HMGN5: variants seen among roughly 807,000 people sequenced by gnomAD.
HMGN5 encodes high mobility group nucleosome binding domain 5.
HMGN5 carries 4 observed loss-of-function variants against 9.5 expected under a neutral mutation model. The observed-to-expected ratio is 0.42, with a 90% CI of 0.21 to 0.96. The LOEUF (loss-of-function observed/expected upper bound fraction) is 0.96, where lower values mean the gene tolerates loss of function less well. HMGN5 is among the 40% of genes least tolerant of loss of function. The pLI, the probability that HMGN5 is intolerant of heterozygous loss-of-function variation, is 0.30. For missense variants in HMGN5, 192 were observed against 187.5 expected (o/e 1.02, Z -0.14); for synonymous variants, 55 against 57.1 (o/e 0.96, Z 0.16).
chrX:81,129,840 G>A (rs185799963), intron 1 of HMGN5, among the ~76,000 whole-genome samples: 2 of 110,724 alleles, frequency 1.8e-5, no homozygotes, highest in South Asian at 3.8e-4. Context: ...TTCTAAGTGA[G>A]TTATTAGCAA....
At chrX:81,197,111 T>C (rs2147655948) in intron 1 of HMGN5, among the ~76,000 whole-genome samples, 1 of 112,554 alleles carries the variant, frequency 8.9e-6, no homozygotes, top group East Asian at 2.8e-4. Flanking sequence ...AATGTACTTA[T>C]AATCCCACTT....
chrX:81,143,180 T>A (rs2075334221), intron 1 of HMGN5, among the ~76,000 whole-genome samples: 1 of 108,444 alleles, frequency 9.2e-6, no homozygotes, highest in African/African-American at 3.4e-5. Context: ...GAAGAGAAAA[T>A]CACCTTCACT....
At chrX:81,138,062 C>T (rs2075316416) in intron 1 of HMGN5, among the ~76,000 whole-genome samples, 1 of 111,529 alleles carries the variant, frequency 9.0e-6, no homozygotes, top group Non-Finnish European at 1.9e-5. Flanking sequence ...TGATGCCTTC[C>T]AAAAATTCAA....
At chrX:81,158,409 C>T (rs760203267) in intron 1 of HMGN5, among the ~76,000 whole-genome samples, 2 of 112,310 alleles carry the variant, frequency 1.8e-5, no homozygotes, top group Non-Finnish European at 3.8e-5. Flanking sequence ...ATTTGCATTT[C>T]TCTGATGATC....
chrX:81,161,645 C>G (rs965815990), intron 1 of HMGN5, among the ~76,000 whole-genome samples: 2 of 110,327 alleles, frequency 1.8e-5, no homozygotes, highest in African/African-American at 6.7e-5. Context: ...TAGAAAAAAG[C>G]CTTCAGAGCC....
chrX:81,131,255 A>G (rs769797514), intron 1 of HMGN5, among the ~76,000 whole-genome samples: 14 of 111,813 alleles, frequency 1.3e-4, no homozygotes, highest in African/African-American at 3.6e-4. Context: ...CAATACTGGC[A>G]TTATTCCCAG....
intron 1 of HMGN5, among the ~76,000 whole-genome samples, chrX:81,124,761 G>A (rs1340226832): frequency 9.0e-6 from 1 of 111,170 alleles, no homozygotes; most frequent in Non-Finnish European, 1.9e-5. Context: ...TTTTTTCTAA[G>A]ATTACGTTGG....
intron 1 of HMGN5, among the ~76,000 whole-genome samples, chrX:81,169,214 G>A (rs1265471782): frequency 6.3e-5 from 7 of 111,532 alleles, no homozygotes; most frequent in African/African-American, 2.3e-4. Flanking sequence ...TATCACTCTG[G>A]TTATCCTGGG....
chrX:81,126,142 A>G (rs1251310256), intron 1 of HMGN5, among the ~76,000 whole-genome samples: 2 of 55,072 alleles, frequency 3.6e-5, no homozygotes, highest in Admixed American at 2.3e-4. Flanking sequence ...AGCAAGACGC[A>G]GTCTCAAAAA....
At chrX:81,142,956 G>A (rs1279202649) in intron 1 of HMGN5, among the ~76,000 whole-genome samples, 1 of 111,070 alleles carries the variant, frequency 9.0e-6, no homozygotes, top group African/African-American at 3.3e-5. Flanking sequence ...TGTAAATAGA[G>A]GCAACAATAA....
At chrX:81,140,155 C>A (rs2075324127) in intron 1 of HMGN5, among the ~76,000 whole-genome samples, 1 of 111,632 alleles carries the variant, frequency 9.0e-6, no homozygotes, top group South Asian at 3.8e-4. Context: ...GATACCAGCT[C>A]AGTCACAGCA....
At chrX:81,169,847 G>A in intron 1 of HMGN5, among the ~76,000 whole-genome samples, 1 of 110,419 alleles carries the variant, frequency 9.1e-6, no homozygotes, top group African/African-American at 3.3e-5. Context: ...TTGAGTCCAG[G>A]AGCTGTAGAC....
At chrX:81,188,811 C>A (rs757024896) in intron 1 of HMGN5, among the ~76,000 whole-genome samples, 1 of 110,928 alleles carries the variant, frequency 9.0e-6, no homozygotes, top group Non-Finnish European at 1.9e-5. Flanking sequence ...TGAACTCATC[C>A]TTTTTTATGG....
chrX:81,140,853 T>A (rs1453066844), intron 1 of HMGN5, among the ~76,000 whole-genome samples: 1 of 111,375 alleles, frequency 9.0e-6, no homozygotes, highest in Non-Finnish European at 1.9e-5. Context: ...CATCAAGCAG[T>A]CCCCTGGGAT....
intron 1 of HMGN5, among the ~76,000 whole-genome samples, chrX:81,152,298 G>GA (rs776467023): frequency 9.0e-6 from 1 of 111,022 alleles, no homozygotes; most frequent in Non-Finnish European, 1.9e-5. Flanking sequence ...AAATTTACAA[G>GA]AAAAAAACAA....
At chrX:81,196,138 T>C (rs1021810257) in intron 1 of HMGN5, among the ~76,000 whole-genome samples, 2 of 111,628 alleles carry the variant, frequency 1.8e-5, no homozygotes, top group Non-Finnish European at 3.8e-5. Context: ...AGAACAACAG[T>C]ATATCCTCCA....
intron 1 of HMGN5, among the ~76,000 whole-genome samples, chrX:81,135,561 G>C (rs1262672169): frequency 9.0e-6 from 1 of 110,900 alleles, no homozygotes; most frequent in Non-Finnish European, 1.9e-5. Context: ...ATTATACTAA[G>C]TGAAAGAACC....
chrX:81,197,979 G>A (rs1228563546), intron 1 of HMGN5, among the ~76,000 whole-genome samples: 2 of 111,530 alleles, frequency 1.8e-5, no homozygotes, highest in Non-Finnish European at 3.8e-5. Context: ...GCAAAGGCAA[G>A]AGTTGGATAA....
intron 1 of HMGN5, among the ~76,000 whole-genome samples, chrX:81,141,462 C>CAGAGAGAGAGAG (rs35363364): frequency 2.1e-5 from 2 of 94,159 alleles, no homozygotes; most frequent in Non-Finnish European, 4.3e-5. Context: ...TGATGCAAAA[C>CAGAGAGAGAGAG]AGAGAGAGAG....
Sources: allele counts gnomAD v4.1 joint callset (sites outside exome capture counted in the v4.1 genomes callset), GRCh38; gene constraint gnomAD v4.1.1; transcripts MANE v1.5; gene names NCBI Gene and HGNC (gene_info 2026-07-23, HGNC 2026-07-21).